Variants in KIF26B observed in about 807,000 individuals in gnomAD.
The protein encoded by KIF26B is kinesin-like protein KIF26B.
KIF26B carries 63 observed loss-of-function variants against 151.2 expected under a neutral mutation model. The observed-to-expected ratio is 0.42, with a 90% CI of 0.34 to 0.51. The LOEUF is 0.51. Among genes scored for constraint, KIF26B ranks in the 20% least tolerant of loss-of-function variants. KIF26B has a pLI of 0.07. For synonymous variants in KIF26B, 1,357 were observed against 1,262.1 expected (o/e 1.08, Z -1.59); for missense variants, 2,813 against 2,913.6 (o/e 0.97, Z 0.79).
intron 4 of KIF26B, among the ~76,000 whole-genome samples, chr1:245,457,928 A>G (rs1177204256): frequency 6.6e-6 from 1 of 152,214 alleles, no homozygotes; most frequent in Admixed American, 6.5e-5. Context: ...TTGCTAAGTC[A>G]TAGGTATGGA....
intron 4 of KIF26B, among the ~76,000 whole-genome samples, chr1:245,478,088 C>T (rs1380823271): frequency 6.6e-6 from 1 of 151,816 alleles, no homozygotes; most frequent in Non-Finnish European, 1.5e-5. Context: ...TCATACAATA[C>T]GTGAACTTCT....
chr1:245,540,080 C>T lies in KIF26B; in HGVS notation c.1167-687C>T, dbSNP rs1006046013. 6.6e-6 allele frequency among the ~76,000 whole-genome samples: 1 copy of T among 152,204 alleles called. No individual in the cohort carries two copies. Among genetic ancestry groups the T allele is most frequent in the Non-Finnish European group, 1.5e-5 (1 of 68,034 alleles). On this transcript the variant is annotated intron_variant, in intron 4 of 14. Transcript: ENST00000407071. The surrounding 1 kb of genome is among the most constrained non-coding windows in gnomAD (Gnocchi z 4.6). ...TCCCTGCCTTCACACTCTGTGCCCC[C>T]TTCAGTGCTTTGACCCCTTACTCCT...
intron 4 of KIF26B, among the ~76,000 whole-genome samples, chr1:245,443,077 G>C (rs1275743689): frequency 6.0e-5 from 7 of 115,730 alleles, no homozygotes; most frequent in African/African-American, 2.1e-4. Context: ...TGTTCACCTA[G>C]AGCGGTCATC....
chr1:245,262,178 CATT>C (rs1238627446), intron 2 of KIF26B, among the ~76,000 whole-genome samples: 1 of 152,172 alleles, frequency 6.6e-6, no homozygotes. Context: ...ACACAGGAAT[CATT>C]ATTGTACAGA....
chr1:245,298,893 A>G (rs963188422), intron 2 of KIF26B, among the ~76,000 whole-genome samples: 4 of 152,204 alleles, frequency 2.6e-5, no homozygotes, highest in African/African-American at 4.8e-5. Context: ...AAAGGCGGAA[A>G]CACTGGACCA....
chr1:245,684,491 T>G, intron 11 of KIF26B, 96 bp downstream of exon 11: 2 of 1,232,020 alleles, frequency 1.6e-6, no homozygotes, highest in African/African-American at 1.5e-5. Context: ...ACGTTGCCAA[T>G]CCCCCAGCAT....
chr1:245,204,650 A>G (rs1407424304), intron 2 of KIF26B, among the ~76,000 whole-genome samples: 2 of 152,060 alleles, frequency 1.3e-5, no homozygotes, highest in African/African-American at 2.4e-5. Context: ...CTGGGATTAC[A>G]GGCGTGAGCC....
rs761476539 is a variant in KIF26B at position 245,239,626 on chromosome 1, C to G, written c.465+82943C>G. Among the ~76,000 whole-genome samples the G allele has an allele frequency of 6.6e-6, 1 of 152,068 alleles. No individual in the cohort carries two copies. Among genetic ancestry groups the G allele is most frequent in the Non-Finnish European group, 1.5e-5 (1 of 68,024 alleles). On this transcript the variant is annotated intron_variant, in intron 2 of 14. Coordinates refer to ENST00000407071, the MANE Select transcript of KIF26B (RefSeq NM_018012.4). The surrounding 1 kb of genome is among the most constrained non-coding windows in gnomAD (Gnocchi z 4.3). ...TCAAGCAATTCTTCTGCTTTGGCCT[C>G]CATAGTAGCTGGGATTACAGGTGCC...
chr1:245,287,979 TA>T (rs532751948), intron 2 of KIF26B, among the ~76,000 whole-genome samples: 8,488 of 145,962 alleles, frequency 0.058, 457 homozygotes, highest in African/African-American at 0.14. Context: ...ATGATAGGCT[TA>T]AAAAAAAAAA....
intron 2 of KIF26B, among the ~76,000 whole-genome samples, chr1:245,194,449 C>T (rs1209458143): frequency 6.6e-6 from 1 of 152,088 alleles, no homozygotes; most frequent in Non-Finnish European, 1.5e-5. Context: ...GCGGTGCAAA[C>T]TCGGCTCACT....
chr1:245,469,063 G>A (rs915813553), intron 4 of KIF26B, among the ~76,000 whole-genome samples: 2 of 152,030 alleles, frequency 1.3e-5, no homozygotes, highest in Non-Finnish European at 1.5e-5. Flanking sequence ...AGAAAGAGAA[G>A]GGTGGCTCTG....
chr1:245,618,542 A>C lies in KIF26B; in HGVS notation c.2098+6566A>C, dbSNP rs376618114. Reference sequence around the variant, plus strand: ...TAGGGTCCTTGAGACAGAGTGCCACAGTGCTGGGGCTGTGTCTGCTGTGTG... The same window carrying C: ...TAGGGTCCTTGAGACAGAGTGCCACCGTGCTGGGGCTGTGTCTGCTGTGTG... On this transcript the variant is annotated intron_variant, in intron 9 of 14. Transcript: ENST00000407071. Among the ~76,000 whole-genome samples, 4 of 148,810 alleles carry C rather than the reference A, an allele frequency of 2.7e-5. No individual in the cohort carries two copies. In the East Asian group the frequency reaches 6.1e-4, roughly 23 times the overall value.
chr1:245,315,688 C>A (rs1474943025), intron 2 of KIF26B, among the ~76,000 whole-genome samples: 1 of 149,054 alleles, frequency 6.7e-6, no homozygotes, highest in Non-Finnish European at 1.5e-5. Flanking sequence ...CACCACTGCA[C>A]TCCAGCCTGG....
intron 4 of KIF26B, among the ~76,000 whole-genome samples, chr1:245,498,041 C>T (rs1361174034): frequency 2.0e-5 from 3 of 152,236 alleles, no homozygotes; most frequent in Non-Finnish European, 4.4e-5. Context: ...TCATTCATCT[C>T]AAACTCCATA....
At chr1:245,411,722 C>T (rs941900646) in intron 3 of KIF26B, among the ~76,000 whole-genome samples, 3 of 152,172 alleles carry the variant, frequency 2.0e-5, no homozygotes, top group Non-Finnish European at 2.9e-5. Flanking sequence ...TTTTTATAGT[C>T]AGCTCCAGAA....
intron 2 of KIF26B, among the ~76,000 whole-genome samples, chr1:245,222,659 C>T (rs1669797959): frequency 6.6e-6 from 1 of 152,138 alleles, no homozygotes; most frequent in African/African-American, 2.4e-5. Flanking sequence ...TTCATAGCAG[C>T]ACCACAGCAA....
intron 4 of KIF26B, among the ~76,000 whole-genome samples, chr1:245,526,274 C>T (rs1038105915): frequency 3.9e-5 from 6 of 152,136 alleles, no homozygotes; most frequent in African/African-American, 1.2e-4. Context: ...GGTAACCTGA[C>T]GGTAGCATAG....
chr1:245,205,469 A>G (rs1173820707), intron 2 of KIF26B, among the ~76,000 whole-genome samples: 1 of 152,184 alleles, frequency 6.6e-6, no homozygotes, highest in Non-Finnish European at 1.5e-5. Context: ...GTACAATAAT[A>G]ATAATAATAT....
chr1:245,282,657 A>G (rs942195905), intron 2 of KIF26B, among the ~76,000 whole-genome samples: 1 of 152,314 alleles, frequency 6.6e-6, no homozygotes. Flanking sequence ...TGCAAATCAG[A>G]CATCGCCTCC....
Sources: gnomAD v4.1 joint callset for allele counts (sites outside exome capture counted in the v4.1 genomes callset) on GRCh38, gnomAD v4.1.1 for gene constraint, Gnocchi (gnomAD v3.1) non-coding constraint, MANE v1.5 for transcripts, NCBI Gene and HGNC (gene_info 2026-07-23, HGNC 2026-07-21) for gene names.